Variants in ARHGEF18 observed in about 807,000 individuals in gnomAD.
ARHGEF18 encodes Rho/Rac guanine nucleotide exchange factor 18.
ARHGEF18 carries 93 observed loss-of-function variants against 155.7 expected under a neutral mutation model. That is an observed-to-expected ratio of 0.60 (90% CI 0.50 to 0.71). The LOEUF (loss-of-function observed/expected upper bound fraction) is 0.71, where lower values mean the gene tolerates loss of function less well. Among genes scored for constraint, ARHGEF18 ranks in the 30% least tolerant of loss-of-function variants. The probability of loss-of-function intolerance (pLI) is 0.00; values close to 1 mark genes in which losing one functional copy is unlikely to be tolerated. For synonymous variants in ARHGEF18, 742 were observed against 753.1 expected (o/e 0.99, Z 0.24); for missense variants, 1,593 against 1,816.1 (o/e 0.88, Z 2.23).
downstream of ARHGEF18, chr19:7,472,932 C>G (rs527993242): frequency 6.6e-6 from 3 of 454,252 alleles, no homozygotes; most frequent in Non-Finnish European, 1.3e-5. Context: ...GAACTCCTGA[C>G]CTCAAGTGAT....
intron 7 of ARHGEF18, among the ~76,000 whole-genome samples, chr19:7,380,128 T>C (rs763998857): frequency 4.1e-4 from 60 of 148,058 alleles, no homozygotes; most frequent in Non-Finnish European, 6.4e-4. Context: ...CCATGAGCCA[T>C]GATTATGCCA....
At chr19:7,466,399 A>G (rs1976608746) in intron 23 of ARHGEF18, among the ~76,000 whole-genome samples, 1 of 150,834 alleles carries the variant, frequency 6.6e-6, no homozygotes, top group Non-Finnish European at 1.5e-5. Flanking sequence ...AAAAAAAAAA[A>G]AATTAAAAAT....
At position 7,407,961 on chromosome 19, in the gene ARHGEF18, C is replaced by CAA. The variant is rs71179104; in HGVS notation, c.967+24783_967+24784dup. Among the ~76,000 whole-genome samples the CAA allele has an allele frequency of 1.7e-3, 83 of 48,810 alleles. 4 individuals are homozygous for CAA. Among genetic ancestry groups the CAA allele is most frequent in the African/African-American group, 4.8e-3 (46 of 9,612 alleles). The allele number at this position is 48,810 out of a possible 152,430, so 32.0% of individuals were successfully genotyped here. A position where few individuals can be genotyped will look rare whatever the true frequency, so the allele number is the denominator to read the frequency against. The stretch of plus-strand genomic sequence containing the variant: ...TGGGCAACAGAGCGAGACTCCGTCT[C>CAA]AAAAAAAAAAAAAAAAAAAAAAAAA... On this transcript the variant is annotated intron_variant, in intron 10 of 28. Transcript: ENST00000668164.
rs554453633 is a variant in ARHGEF18 at position 7,417,947 on chromosome 19, C to T, written c.968-22397C>T. 2.0e-5 allele frequency among the ~76,000 whole-genome samples: 3 copies of T among 152,278 alleles called. No individual in the cohort carries two copies. In the East Asian group the frequency reaches 5.8e-4, roughly 29 times the overall value. Reference sequence around the variant, plus strand: ...TGTGGGCAGCATAAGGTCTCTGGTGCATATTTTTGCTCTACCAAAGGAGGT... The same window carrying T: ...TGTGGGCAGCATAAGGTCTCTGGTGTATATTTTTGCTCTACCAAAGGAGGT... On this transcript the variant is annotated intron_variant, in intron 10 of 28. Coordinates refer to ENST00000668164, the MANE Select transcript of ARHGEF18 (RefSeq NM_001367823.1).
chr19:7,455,087 G>A (rs1975744597), intron 17 of ARHGEF18, among the ~76,000 whole-genome samples: 1 of 152,172 alleles, frequency 6.6e-6, no homozygotes. Context: ...ATTCACATCA[G>A]CATCTTTAAG....
chr19:7,477,789 CCTTT>C, the ARHGEF18 span, among the ~76,000 whole-genome samples: 1 of 152,360 alleles, frequency 6.6e-6, no homozygotes, highest in Admixed American at 6.5e-5. Context: ...GCCTGCCCGG[CCTTT>C]CTTTATCAGG....
At chr19:7,400,275 T>G (rs192207188) in intron 10 of ARHGEF18, among the ~76,000 whole-genome samples, 5 of 152,274 alleles carry the variant, frequency 3.3e-5, no homozygotes, top group Non-Finnish European at 7.3e-5. Flanking sequence ...TTTTAGGATA[T>G]TCACAGAGTT....
At chr19:7,473,027 C>T, downstream of ARHGEF18, 1 of 456,262 alleles carries the variant, frequency 2.2e-6, no homozygotes, top group Non-Finnish European at 4.4e-6. Context: ...GGGTCCTGCC[C>T]ACCGGGTACA....
At chr19:7,367,008 T>G (rs1969917601) in intron 2 of ARHGEF18, among the ~76,000 whole-genome samples, 1 of 151,862 alleles carries the variant, frequency 6.6e-6, no homozygotes. Context: ...CTGATCCTCC[T>G]ACTTTAACCT....
At chr19:7,479,360 T>C in the ARHGEF18 span, among the ~76,000 whole-genome samples, 3 of 152,040 alleles carry the variant, frequency 2.0e-5, no homozygotes, top group Non-Finnish European at 4.4e-5. Flanking sequence ...GGTGGGCGCC[T>C]GTAATCCCAG....
At chr19:7,400,797 T>A (rs1440351524) in intron 10 of ARHGEF18, among the ~76,000 whole-genome samples, 1 of 152,138 alleles carries the variant, frequency 6.6e-6, no homozygotes, top group Non-Finnish European at 1.5e-5. Context: ...ATTACACCAC[T>A]GCACTCTAGC....
intron 1 of ARHGEF18, among the ~76,000 whole-genome samples, chr19:7,361,444 G>C (rs190976600): frequency 1.3e-5 from 2 of 152,148 alleles, no homozygotes; most frequent in Non-Finnish European, 2.9e-5. Flanking sequence ...TCTCAAAAAA[G>C]AGACTGCATA....
rs567786422 is a variant in ARHGEF18, at chr19:7,383,285, C to G, written c.967+82C>G. 115 of 1,224,562 alleles carry G rather than the reference C, an allele frequency of 9.4e-5. 1 individual carries two copies. In the Middle Eastern group the frequency reaches 3.1e-3, roughly 33 times the overall value. The allele number at this position is 1,224,562 out of a possible 1,614,324, so 75.9% of individuals were successfully genotyped here. ...GTCCTTTCAATCATACTCCTGGGGT[C>G]TCTTTTGATGTGTGCATCCTCGTTC... On this transcript the variant is annotated intron_variant, in intron 10 of 28. Coordinates refer to ENST00000668164, the MANE Select transcript of ARHGEF18 (RefSeq NM_001367823.1).
chr19:7,425,347 C>T (rs1431313745), intron 10 of ARHGEF18, among the ~76,000 whole-genome samples: 1 of 152,058 alleles, frequency 6.6e-6, no homozygotes, highest in Non-Finnish European at 1.5e-5. Context: ...TGGGGGTCTC[C>T]CCCTACTTCC....
intron 10 of ARHGEF18, among the ~76,000 whole-genome samples, chr19:7,416,109 G>T (rs1447499800): frequency 6.6e-6 from 1 of 152,160 alleles, no homozygotes; most frequent in Non-Finnish European, 1.5e-5. Flanking sequence ...TGTTGAAAAT[G>T]ACCCCTAGCT....
At chr19:7,386,600 G>C (rs1307520602) in intron 10 of ARHGEF18, among the ~76,000 whole-genome samples, 1 of 152,056 alleles carries the variant, frequency 6.6e-6, no homozygotes, top group Non-Finnish European at 1.5e-5. Flanking sequence ...GAGTATTCCA[G>C]GTCGTAGGTG....
intron 10 of ARHGEF18, among the ~76,000 whole-genome samples, chr19:7,409,497 G>C (rs1449291535): frequency 2.8e-5 from 4 of 145,338 alleles, no homozygotes; most frequent in African/African-American, 1.0e-4. Flanking sequence ...GTACAATCTC[G>C]GCTCACTGTA....
chr19:7,444,371 A>G lies in ARHGEF18; in HGVS notation c.1528A>G (p.Lys510Glu). Residue 510 changes from lysine (K) to glutamate (E), a missense_variant, in exon 14 of 29, where the codon AAG (lysine) becomes GAG (glutamate). Transcript: ENST00000668164. This position sits in a 1 kb window ranked among gnomAD's most constrained non-coding sequence, Gnocchi z 4.7. ...ETHSHFLARL[K>E]ERRQESLEEG... ...GCACAGCCACTTCCTCGCTCGGCTCAAGGAGCGCCGCCAGGAGTCCCTGGA... is the reference window on the plus strand; with the variant it reads ...GCACAGCCACTTCCTCGCTCGGCTCGAGGAGCGCCGCCAGGAGTCCCTGGA... The G allele has an allele frequency of 1.2e-6, 2 of 1,613,680 alleles. No homozygotes were observed. The highest frequency in any genetic ancestry group is 1.7e-6 in the Non-Finnish European group (2 of 1,180,026).
intron 8 of ARHGEF18, among the ~76,000 whole-genome samples, chr19:7,381,472 G>A (rs1970732194): frequency 6.6e-6 from 1 of 152,042 alleles, no homozygotes; most frequent in South Asian, 2.1e-4. Context: ...GAGGTCAGGA[G>A]TTCAAGACCA....
Sources: gnomAD v4.1 joint callset for allele counts (sites outside exome capture counted in the v4.1 genomes callset) on GRCh38, gnomAD v4.1.1 for gene constraint, Gnocchi (gnomAD v3.1) non-coding constraint, MANE v1.5 for transcripts, NCBI Gene and HGNC (gene_info 2026-07-23, HGNC 2026-07-21) for gene names.